The following RAB3GAP2 variants were observed in gnomAD, a reference collection of about 807,000 sequenced individuals.
RAB3GAP2 encodes rab3 GTPase-activating protein non-catalytic subunit.
RAB3GAP2 carries 87 observed loss-of-function variants against 185.3 expected under a neutral mutation model. That is an observed-to-expected ratio of 0.47 (90% CI 0.39 to 0.56). The LOEUF (loss-of-function observed/expected upper bound fraction) is 0.56, where lower values mean the gene tolerates loss of function less well. RAB3GAP2 is among the 20% of genes least tolerant of loss of function. The pLI is 0.00. For missense variants in RAB3GAP2, 1,492 were observed against 1,638.2 expected (o/e 0.91, Z 1.54); for synonymous variants, 554 against 576.1 (o/e 0.96, Z 0.55).
At chr1:220,196,517 T>C (rs1658727470) in intron 9 of RAB3GAP2, 119 bp from the exon 10 acceptor site, 10 of 1,051,704 alleles carry the variant, frequency 9.5e-6, no homozygotes, top group Admixed American at 2.1e-5. Context: ...AAAGTCATTT[T>C]AAAAGCTACA....
chr1:220,200,757 G>A, intron 9 of RAB3GAP2: 1 of 425,608 alleles, frequency 2.3e-6, no homozygotes, highest in South Asian at 1.8e-5. Flanking sequence ...AGTATTCCAT[G>A]TAAGAGCTAT....
intron 1 of RAB3GAP2, chr1:220,267,454 CTTTG>C: frequency 1.4e-6 from 2 of 1,391,196 alleles, no homozygotes; most frequent in East Asian, 2.3e-5. Flanking sequence ...AATAAACTTG[CTTTG>C]TTTTTCTCTT....
chr1:220,242,076 TA>T (rs1659706335), intron 1 of RAB3GAP2, among the ~76,000 whole-genome samples: 1 of 152,116 alleles, frequency 6.6e-6, no homozygotes, highest in Non-Finnish European at 1.5e-5. Context: ...ATATTTAAAT[TA>T]AATCCTTCCT....
rs1347756958 is a variant in RAB3GAP2 at position 220,149,578 on chromosome 1, C to A, written c.*1673G>T. The A allele has an allele frequency of 6.6e-6, 1 of 152,162 alleles. No homozygotes were observed. The allele number at this position is 152,162 out of a possible 1,614,324, so 9.4% of individuals were successfully genotyped here. A position where few individuals can be genotyped will look rare whatever the true frequency, so the allele number is the denominator to read the frequency against. Reference sequence around the variant, plus strand: ...AACATATAACAAGTGACTGTTAACACAGAGCCAGATATGTTTACAAGAATT... The same window carrying A: ...AACATATAACAAGTGACTGTTAACAAAGAGCCAGATATGTTTACAAGAATT... On this transcript the variant is annotated 3_prime_UTR_variant, in exon 35 of 35. Transcript: ENST00000358951.
intron 1 of RAB3GAP2, chr1:220,267,621 T>C: frequency 7.2e-7 from 1 of 1,389,952 alleles, no homozygotes; most frequent in Non-Finnish European, 1.0e-6. Flanking sequence ...CGGGGACTGC[T>C]TGCTGTTTTG....
At chr1:220,152,074 G>A (rs948592186) in intron 33 of RAB3GAP2, among the ~76,000 whole-genome samples, 1 of 151,888 alleles carries the variant, frequency 6.6e-6, no homozygotes, top group Non-Finnish European at 1.5e-5. Context: ...CCCTCTAATG[G>A]CTTTTTTTTG....
chr1:220,184,274 T>C, intron 18 of RAB3GAP2, 111 bp from the exon 19 acceptor site: 1 of 1,015,274 alleles, frequency 9.8e-7, no homozygotes, highest in Non-Finnish European at 1.5e-6. Context: ...TGCTCTGATG[T>C]ATTAAATACT....
intron 1 of RAB3GAP2, among the ~76,000 whole-genome samples, chr1:220,237,203 C>CA (rs1159641982): frequency 6.6e-6 from 1 of 152,152 alleles, no homozygotes; most frequent in African/African-American, 2.4e-5. Context: ...GTAAAGATTC[C>CA]AAACATTCCA....
At chr1:220,222,216 C>CT (rs200815974) in intron 2 of RAB3GAP2, among the ~76,000 whole-genome samples, 22 of 151,430 alleles carry the variant, frequency 1.5e-4, no homozygotes, top group South Asian at 6.3e-4. Context: ...AGGATTTTTT[C>CT]TTTTTTTTTC....
chr1:220,204,577 T>C (rs1658925090), intron 8 of RAB3GAP2, among the ~76,000 whole-genome samples: 1 of 151,666 alleles, frequency 6.6e-6, no homozygotes, highest in Non-Finnish European at 1.5e-5. Context: ...GTGCTACTAA[T>C]ATTTTCACTG....
At chr1:220,173,952 G>A (rs6684662) in intron 21 of RAB3GAP2, among the ~76,000 whole-genome samples, 10 of 150,348 alleles carry the variant, frequency 6.7e-5, no homozygotes, top group African/African-American at 2.0e-4. Flanking sequence ...CCCAGGAGGC[G>A]GAGGTTGCAG....
chr1:220,249,166 C>G (rs1659883696), intron 1 of RAB3GAP2, among the ~76,000 whole-genome samples: 1 of 152,092 alleles, frequency 6.6e-6, no homozygotes, highest in Admixed American at 6.6e-5. Flanking sequence ...CAGAAGAAGA[C>G]AGGAAAATGT....
intron 1 of RAB3GAP2, among the ~76,000 whole-genome samples, chr1:220,237,530 G>A (rs1659615686): frequency 6.6e-6 from 1 of 152,164 alleles, no homozygotes; most frequent in African/African-American, 2.4e-5. Flanking sequence ...CCTTTACAAT[G>A]AAGAAATTAA....
intron 9 of RAB3GAP2, among the ~76,000 whole-genome samples, chr1:220,202,026 G>A (rs951950955): frequency 7.9e-5 from 12 of 152,088 alleles, no homozygotes; most frequent in South Asian, 4.2e-4. Context: ...TCAGCCAGGC[G>A]GGGTGGCGCA....
chr1:220,253,480 G>A, intron 1 of RAB3GAP2: 1 of 1,513,004 alleles, frequency 6.6e-7, no homozygotes, highest in Non-Finnish European at 8.9e-7. Flanking sequence ...GTGCCTGACG[G>A]CGCGTCTGAC....
At chr1:220,267,150 G>T in intron 1 of RAB3GAP2, 2 of 1,194,492 alleles carry the variant, frequency 1.7e-6, no homozygotes, top group Non-Finnish European at 2.5e-6. Flanking sequence ...CTGGCTTAAT[G>T]TCTCTATGAA....
intron 4 of RAB3GAP2, among the ~76,000 whole-genome samples, chr1:220,212,170 GT>G (rs1659095646): frequency 6.6e-6 from 1 of 152,162 alleles, no homozygotes; most frequent in Admixed American, 6.5e-5. Context: ...CATTTCTTAA[GT>G]GTTTATGAGT....
At position 220,232,799 on chromosome 1, in the gene RAB3GAP2, A is replaced by T. The variant is rs138809681; in HGVS notation, c.180T>A (p.Pro60=). 1.9e-5 allele frequency: 31 copies of T among 1,611,430 alleles called. No homozygotes were observed. In the East Asian group the frequency reaches 6.7e-4, roughly 35 times the overall value. The part of the protein sequence containing the change: ...GAWEENEPQE[P]EEEGNTCKTQ... The stretch of plus-strand genomic sequence containing the variant: ...CATGCATATATTTGTAAAGACTTAC[A>T]GGTTCTTGTGGTTCATTTTCTTCCC... Residue 60 remains proline (P), a splice_region_variant and synonymous_variant, in exon 2 of 35, where the codon CCT becomes CCA. Transcript: ENST00000358951.
chr1:220,267,706 C>G lies in RAB3GAP2; in HGVS notation c.115+4517G>C, dbSNP rs573507737. 1.9e-6 allele frequency: 3 copies of G among 1,564,006 alleles called. No individual in the cohort carries two copies. The South Asian group carries it at 3.3e-5, about 17-fold the overall frequency. On this transcript the variant is annotated intron_variant, in intron 1 of 34. Coordinates refer to ENST00000358951, the MANE Select transcript of RAB3GAP2 (RefSeq NM_012414.4). The stretch of plus-strand genomic sequence containing the variant: ...AATTGCTTCTGCTTCTGATTCTGAA[C>G]TGGCTTGTGACTGGAGACAAGCTTT...
Sources: allele counts gnomAD v4.1 joint callset (sites outside exome capture counted in the v4.1 genomes callset), GRCh38; gene constraint gnomAD v4.1.1; transcripts MANE v1.5; gene names NCBI Gene and HGNC (gene_info 2026-07-23, HGNC 2026-07-21).